Variants in FGF12 observed in about 807,000 individuals in gnomAD.
The protein encoded by FGF12 is fibroblast growth factor 12B.
In FGF12, 14 loss-of-function variants were observed where a neutral mutation model predicts 23.6. The observed-to-expected ratio is 0.59, with a 90% CI of 0.39 to 0.93. The LOEUF is 0.93. FGF12 is among the 40% of genes least tolerant of loss of function. The pLI is 0.00. For synonymous variants in FGF12, 62 were observed against 77.3 expected (o/e 0.80, Z 1.04); for missense variants, 175 against 217.8 (o/e 0.80, Z 1.24).
At chr3:192,266,215 T>G (rs963407118) in intron 4 of FGF12, among the ~76,000 whole-genome samples, 1 of 152,190 alleles carries the variant, frequency 6.6e-6, no homozygotes, top group Non-Finnish European at 1.5e-5. Context: ...GTCTGTCATA[T>G]TATGATCCTC....
At position 192,322,687 on chromosome 3, in the gene FGF12, A is replaced by G. The variant is rs143593162; in HGVS notation, c.228+12674T>C. ...TATGAACAGAATAGAGAACCCAGAA[A>G]TAAATTCGTACCTCTACAGAGAACT... On this transcript the variant is annotated intron_variant, in intron 4 of 5. Transcript: ENST00000445105. 1.1e-3 allele frequency among the ~76,000 whole-genome samples: 163 copies of G among 152,308 alleles called. 1 individual carries two copies. Among genetic ancestry groups the G allele is most frequent in the African/African-American group, 3.8e-3 (156 of 41,576 alleles).
chr3:192,273,247 T>C (rs1459313427), intron 4 of FGF12, among the ~76,000 whole-genome samples: 1 of 152,224 alleles, frequency 6.6e-6, no homozygotes, highest in Non-Finnish European at 1.5e-5. Flanking sequence ...TCTGTATTTA[T>C]ACATATGAAT....
chr3:192,272,403 A>G (rs1255205287), intron 4 of FGF12, among the ~76,000 whole-genome samples: 1 of 152,166 alleles, frequency 6.6e-6, no homozygotes, highest in Non-Finnish European at 1.5e-5. Flanking sequence ...CCATTTCATG[A>G]AGATAAAAAA....
At chr3:192,415,955 T>C (rs1576965788) in intron 2 of FGF12, among the ~76,000 whole-genome samples, 1 of 142,228 alleles carries the variant, frequency 7.0e-6, no homozygotes, top group African/African-American at 2.6e-5. Flanking sequence ...CCATGGGCCA[T>C]TCCTAGTTGC....
At chr3:192,511,156 A>G (rs1401102998) in intron 2 of FGF12, among the ~76,000 whole-genome samples, 1 of 152,180 alleles carries the variant, frequency 6.6e-6, no homozygotes, top group East Asian at 1.9e-4. Context: ...AACTATACAC[A>G]GAAGGAGGTT....
chr3:192,656,762 C>T (rs1716442872), intron 2 of FGF12, among the ~76,000 whole-genome samples: 1 of 152,186 alleles, frequency 6.6e-6, no homozygotes, highest in African/African-American at 2.4e-5. Flanking sequence ...CAAGAAAACA[C>T]CTAGCAGTGT....
chr3:192,593,854 G>GA (rs1052094718), intron 2 of FGF12, among the ~76,000 whole-genome samples: 8 of 151,380 alleles, frequency 5.3e-5, no homozygotes, highest in Admixed American at 6.6e-5. Context: ...GAAAAACCAG[G>GA]AAAAAAAATT....
In FGF12 at chr3:192,662,127, G is replaced by C. The variant is rs1347468721; in HGVS notation, c.13+65054C>G. Among the ~76,000 whole-genome samples, 2 of 152,276 alleles carry C rather than the reference G, an allele frequency of 1.3e-5. 1 individual carries two copies. Among genetic ancestry groups the C allele is most frequent in the South Asian group, 4.1e-4 (2 of 4,826 alleles). ...AAAGAAATGGTGAAAGAAAAGAAAAGGAAAGGTAAGAGAAAGAAGGAAGTA... is the reference window on the plus strand; with the variant it reads ...AAAGAAATGGTGAAAGAAAAGAAAACGAAAGGTAAGAGAAAGAAGGAAGTA... On this transcript the variant is annotated intron_variant, in intron 2 of 5. Transcript: ENST00000445105.
chr3:192,572,607 TAA>T (rs1387728256), intron 2 of FGF12, among the ~76,000 whole-genome samples: 2 of 152,188 alleles, frequency 1.3e-5, no homozygotes, highest in African/African-American at 2.4e-5. Context: ...CCCAAGGACT[TAA>T]ATATGCACAG....
chr3:192,368,742 C>T (rs1719096397), intron 2 of FGF12, among the ~76,000 whole-genome samples: 1 of 152,078 alleles, frequency 6.6e-6, no homozygotes, highest in African/African-American at 2.4e-5. Flanking sequence ...TCATGCATTG[C>T]CTCTGCTTTC....
chr3:192,308,562 C>T (rs12634597), intron 4 of FGF12, among the ~76,000 whole-genome samples: 12,663 of 151,734 alleles, frequency 0.083, 780 homozygotes, highest in East Asian at 0.19. Flanking sequence ...TGCCTCTAAT[C>T]GCAGCTACTC....
chr3:192,262,384 A>C (rs1397043204), intron 4 of FGF12, among the ~76,000 whole-genome samples: 1 of 152,194 alleles, frequency 6.6e-6, no homozygotes, highest in Non-Finnish European at 1.5e-5. Flanking sequence ...AATGTATTCT[A>C]TATGAGTAGT....
At chr3:192,499,694 G>A (rs917147705) in intron 2 of FGF12, among the ~76,000 whole-genome samples, 2 of 150,260 alleles carry the variant, frequency 1.3e-5, no homozygotes, top group African/African-American at 4.9e-5. Flanking sequence ...ACCTCACACG[G>A]CTAATTGTTT....
chr3:192,190,203 T>C (rs1716703244), intron 4 of FGF12, among the ~76,000 whole-genome samples: 1 of 152,196 alleles, frequency 6.6e-6, no homozygotes, highest in South Asian at 2.1e-4. Flanking sequence ...ATAGTTATTA[T>C]ATAACAATAC....
chr3:192,193,640 G>A (rs1423551754), intron 4 of FGF12, among the ~76,000 whole-genome samples: 1 of 152,076 alleles, frequency 6.6e-6, no homozygotes, highest in African/African-American at 2.4e-5. Flanking sequence ...ACACTCTATA[G>A]TCTCACCCTA....
intron 2 of FGF12, among the ~76,000 whole-genome samples, chr3:192,631,061 A>G (rs1208228351): frequency 2.6e-5 from 4 of 152,192 alleles, no homozygotes; most frequent in Non-Finnish European, 5.9e-5. Flanking sequence ...AAACGTATCA[A>G]GTCCTTGCCA....
chr3:192,513,495 G>A (rs941049067), intron 2 of FGF12, among the ~76,000 whole-genome samples: 12 of 152,030 alleles, frequency 7.9e-5, no homozygotes, highest in Admixed American at 5.2e-4. Flanking sequence ...TTAGACTGAT[G>A]AGTAACCACA....
intron 4 of FGF12, among the ~76,000 whole-genome samples, chr3:192,290,503 A>G (rs1360755490): frequency 6.6e-6 from 1 of 152,150 alleles, no homozygotes; most frequent in Non-Finnish European, 1.5e-5. Context: ...TCCAAGTTAC[A>G]ATGGTTAAGG....
chr3:192,687,803 C>T (rs982396652), intron 2 of FGF12, among the ~76,000 whole-genome samples: 3 of 152,176 alleles, frequency 2.0e-5, no homozygotes, highest in African/African-American at 4.8e-5. Context: ...CACATGTAGT[C>T]AGCCTGACCC....
Sources: gnomAD v4.1 joint callset for allele counts (sites outside exome capture counted in the v4.1 genomes callset) on GRCh38, gnomAD v4.1.1 for gene constraint, MANE v1.5 for transcripts, NCBI Gene and HGNC (gene_info 2026-07-23, HGNC 2026-07-21) for gene names.